Variants in RAB28 observed in about 807,000 individuals in gnomAD.
RAB28 encodes RAB28, member RAS oncogene family.
Under a neutral mutation model 31.7 loss-of-function variants are expected in RAB28, and 24 were observed. That is an observed-to-expected ratio of 0.76 (90% CI 0.55 to 1.06). The LOEUF (loss-of-function observed/expected upper bound fraction) is 1.06, where lower values mean the gene tolerates loss of function less well. Among genes scored for constraint, RAB28 ranks in the 50% least tolerant of loss-of-function variants. RAB28 has a pLI of 0.00. For synonymous variants in RAB28, 100 were observed against 90.4 expected, an observed-to-expected ratio of 1.11 and a Z score of -0.60; for missense variants, 254 against 258.5, an observed-to-expected ratio of 0.98 and a Z score of 0.12.
intron 4 of RAB28, among the ~76,000 whole-genome samples, chr4:13,407,708 A>T (rs1401177104): frequency 1.3e-5 from 2 of 152,156 alleles, no homozygotes; most frequent in Non-Finnish European, 2.9e-5. Flanking sequence ...GTTCTCCTTG[A>T]AGAGGTCCTT....
At chr4:13,407,043 T>G (rs1712137174) in intron 4 of RAB28, among the ~76,000 whole-genome samples, 1 of 152,252 alleles carries the variant, frequency 6.6e-6, no homozygotes, top group Non-Finnish European at 1.5e-5. Flanking sequence ...TTGCCATTGC[T>G]TTTGGGGTTT....
In RAB28 at chr4:13,460,673, T is replaced by C. The variant is rs759881917; in HGVS notation, c.391+26A>G. Reference sequence around the variant, plus strand: ...CCACAACAGCAAGTAAACTGTACCATACATAAACAAGCAGTAATAACTTAC... The same window carrying C: ...CCACAACAGCAAGTAAACTGTACCACACATAAACAAGCAGTAATAACTTAC... On this transcript the variant is annotated intron_variant, in intron 4 of 6. Coordinates refer to ENST00000330852, the MANE Select transcript of RAB28 (RefSeq NM_001017979.3). 13 of 1,613,410 alleles carry C rather than the reference T, an allele frequency of 8.1e-6. No individual in the cohort carries two copies. The Admixed American group carries it at 1.7e-4, about 21-fold the overall frequency.
At chr4:13,465,034 T>A (rs921497201) in intron 3 of RAB28, among the ~76,000 whole-genome samples, 1 of 152,094 alleles carries the variant, frequency 6.6e-6, no homozygotes, top group East Asian at 1.9e-4. Context: ...GTTGGGTACA[T>A]TGCTGGACAC....
At chr4:13,459,891 T>C (rs1164521635) in intron 4 of RAB28, 1 of 1,289,346 alleles carries the variant, frequency 7.8e-7, no homozygotes, top group South Asian at 1.2e-5. Context: ...TGCAGCTGTG[T>C]TGCTGTTCTT....
Position 13,416,599 on chromosome 4 carries a change from G to C in RAB28, c.392-35005C>G, listed in dbSNP as rs138825403. On this transcript the variant is annotated intron_variant, in intron 4 of 6. Coordinates refer to ENST00000330852, the MANE Select transcript of RAB28 (RefSeq NM_001017979.3). The stretch of plus-strand genomic sequence containing the variant: ...ATGATTCCATTTATATGAAATTCTA[G>C]AACAGGCAAAACCAACCCATGGAGT... 1.2e-3 allele frequency among the ~76,000 whole-genome samples: 188 copies of C among 152,282 alleles called. 1 individual carries two copies. The highest frequency in any genetic ancestry group is 4.3e-3 in the African/African-American group (179 of 41,558).
At chr4:13,389,310 A>G (rs373544642) in intron 4 of RAB28, among the ~76,000 whole-genome samples, 16 of 152,122 alleles carry the variant, frequency 1.1e-4, no homozygotes, top group African/African-American at 3.6e-4. Flanking sequence ...TAGGCAGAGG[A>G]AAAAAGAAGT....
At chr4:13,417,105 G>T (rs962590230) in intron 4 of RAB28, among the ~76,000 whole-genome samples, 2 of 152,220 alleles carry the variant, frequency 1.3e-5, no homozygotes, top group African/African-American at 2.4e-5. Context: ...GGCTCGGCAG[G>T]TCCCATGCCT....
intron 4 of RAB28, among the ~76,000 whole-genome samples, chr4:13,398,393 C>T (rs961037465): frequency 6.6e-6 from 1 of 152,132 alleles, no homozygotes; most frequent in African/African-American, 2.4e-5. Flanking sequence ...TTCACTTATA[C>T]CATTTATACA....
At chr4:13,388,025 C>T (rs1399442497) in intron 4 of RAB28, among the ~76,000 whole-genome samples, 2 of 151,934 alleles carry the variant, frequency 1.3e-5, no homozygotes, top group Admixed American at 1.3e-4. Flanking sequence ...AATTTTCACC[C>T]ATCACTATCA....
intron 4 of RAB28, among the ~76,000 whole-genome samples, chr4:13,458,699 C>T (rs1046868297): frequency 2.0e-5 from 3 of 152,088 alleles, no homozygotes; most frequent in African/African-American, 4.8e-5. Flanking sequence ...GCTTTTATAC[C>T]GTATTTTTAC....
At chr4:13,387,807 C>T (rs528650081) in intron 4 of RAB28, among the ~76,000 whole-genome samples, 1 of 152,168 alleles carries the variant, frequency 6.6e-6, no homozygotes, top group East Asian at 1.9e-4. Context: ...AAATACAATT[C>T]TGAAAATATA....
intron 1 of RAB28, among the ~76,000 whole-genome samples, chr4:13,482,072 A>G (rs115757678): frequency 0.024 from 3,680 of 152,264 alleles, 62 homozygotes; most frequent in African/African-American, 0.046. Flanking sequence ...CAGTTTTAAA[A>G]TAAGTTATTT....
At chr4:13,419,439 G>C (rs1277728883) in intron 4 of RAB28, among the ~76,000 whole-genome samples, 1 of 152,146 alleles carries the variant, frequency 6.6e-6, no homozygotes, top group Non-Finnish European at 1.5e-5. Flanking sequence ...CAAATCAACA[G>C]AATATACATT....
At chr4:13,376,669 A>C (rs779595599) in intron 5 of RAB28, 47 bp from the exon 6 acceptor site, 1 of 1,269,844 alleles carries the variant, frequency 7.9e-7, no homozygotes, top group South Asian at 1.4e-5. Context: ...GGCATGCTTA[A>C]GTTATCTTCA....
chr4:13,413,564 G>C (rs1308071208), intron 4 of RAB28, among the ~76,000 whole-genome samples: 1 of 152,082 alleles, frequency 6.6e-6, no homozygotes, highest in Non-Finnish European at 1.5e-5. Context: ...AGTTTTAAGA[G>C]AGAAAATGAA....
At chr4:13,421,238 G>A (rs1190156437) in intron 4 of RAB28, among the ~76,000 whole-genome samples, 5 of 152,160 alleles carry the variant, frequency 3.3e-5, no homozygotes, top group African/African-American at 1.2e-4. Flanking sequence ...ACAAACCACT[G>A]CTCAATGAAA....
chr4:13,377,226 A>G (rs1035291375), intron 5 of RAB28, among the ~76,000 whole-genome samples: 3 of 152,172 alleles, frequency 2.0e-5, no homozygotes, highest in African/African-American at 4.8e-5. Flanking sequence ...TTTTCTATAA[A>G]TAGCCTTTCC....
intron 4 of RAB28, among the ~76,000 whole-genome samples, chr4:13,437,303 G>C (rs868458097): frequency 2.0e-5 from 3 of 152,118 alleles, no homozygotes; most frequent in East Asian, 3.9e-4. Flanking sequence ...CATTGGCATA[G>C]GCAAAAAGTT....
rs371978369 is a variant in RAB28 at position 13,385,749 on chromosome 4, T to C, written c.392-4155A>G. 3.2e-4 allele frequency among the ~76,000 whole-genome samples: 49 copies of C among 152,242 alleles called. No homozygotes were observed. In the South Asian group the frequency reaches 9.5e-3, roughly 30 times the overall value. On this transcript the variant is annotated intron_variant, in intron 4 of 6. Transcript: ENST00000330852. ...CACACTTAAGTACACGGACCACTGATACTATAAAGCAACCACACAAAAAAG... is the reference window on the plus strand; with the variant it reads ...CACACTTAAGTACACGGACCACTGACACTATAAAGCAACCACACAAAAAAG...
Sources: allele counts gnomAD v4.1 joint callset (sites outside exome capture counted in the v4.1 genomes callset), GRCh38; gene constraint gnomAD v4.1.1; transcripts MANE v1.5; gene names NCBI Gene and HGNC (gene_info 2026-07-23, HGNC 2026-07-21).